FAT3: variants seen among roughly 807,000 people sequenced by gnomAD.
The protein encoded by FAT3 is protocadherin Fat 3.
FAT3 carries 95 observed loss-of-function variants against 310.2 expected under a neutral mutation model. The observed-to-expected ratio is 0.31, with a 90% CI of 0.26 to 0.36. The LOEUF (loss-of-function observed/expected upper bound fraction) is 0.36, where lower values mean the gene tolerates loss of function less well. FAT3 is among the 10% of genes least tolerant of loss of function. The pLI, the probability that FAT3 is intolerant of heterozygous loss-of-function variation, is 1.00. For missense variants in FAT3, 5,408 were observed against 5,715.6 expected (o/e 0.95, Z 1.74); for synonymous variants, 2,314 against 2,192.9 (o/e 1.06, Z -1.54).
At chr11:92,544,907 A>G (rs1289794459) in intron 3 of FAT3, among the ~76,000 whole-genome samples, 1 of 152,166 alleles carries the variant, frequency 6.6e-6, no homozygotes, top group Non-Finnish European at 1.5e-5. Flanking sequence ...CTAAAGTCTT[A>G]TTGACTCTTC....
At chr11:92,725,444 G>C (rs141218474) in intron 4 of FAT3, among the ~76,000 whole-genome samples, 250 of 152,236 alleles carry the variant, frequency 1.6e-3, no homozygotes, top group African/African-American at 5.6e-3. Flanking sequence ...TCAAAGTGTA[G>C]TGTTCAGCTT....
intron 3 of FAT3, among the ~76,000 whole-genome samples, chr11:92,572,859 T>G (rs1381618596): frequency 6.6e-6 from 1 of 152,186 alleles, no homozygotes; most frequent in Non-Finnish European, 1.5e-5. Context: ...AGTAGCTTGC[T>G]AACCAAATTT....
chr11:92,611,996 C>A (rs35848172), intron 3 of FAT3, among the ~76,000 whole-genome samples: 1 of 152,122 alleles, frequency 6.6e-6, no homozygotes, highest in Non-Finnish European at 1.5e-5. Context: ...CTAATAGCAA[C>A]CCCATTAGGA....
intron 1 of FAT3, among the ~76,000 whole-genome samples, chr11:92,309,380 GCATGCACACACACACACACA>G (rs1233743527): frequency 7.0e-5 from 3 of 42,628 alleles, no homozygotes; most frequent in South Asian, 1.1e-3. Context: ...TTACACACAC[GCATGCACACACACACACACA>G]CACACACACA....
At chr11:92,276,571 T>C (rs1448567318) in intron 1 of FAT3, among the ~76,000 whole-genome samples, 1 of 152,140 alleles carries the variant, frequency 6.6e-6, no homozygotes. Context: ...AAAGGTGTGT[T>C]GTGCTTTGCT....
chr11:92,798,133 A>G lies in FAT3; in HGVS notation c.5120A>G (p.Asp1707Gly). Residue 1707 changes from aspartate (D) to glycine (G), a missense_variant, in exon 10 of 28, where the codon GAT becomes GGT. This residue lies in a region of FAT3 where 4,588 missense variants were observed against 4,809.8 expected (regional missense o/e 0.95). Coordinates refer to ENST00000525166, the MANE Select transcript of FAT3 (RefSeq NM_001367949.2). Reference protein sequence around the residue: ...SQSTLIYEVKDGDINGIFTIN... With the variant: ...SQSTLIYEVKGGDINGIFTIN... Reference sequence around the variant, plus strand: ...TCTACCCTCATTTATGAAGTCAAAGATGGAGACATTAATGGGATCTTTACC... The same window carrying G: ...TCTACCCTCATTTATGAAGTCAAAGGTGGAGACATTAATGGGATCTTTACC... 1.2e-6 allele frequency: 2 copies of G among 1,613,946 alleles called. No individual in the cohort carries two copies. The highest frequency in any genetic ancestry group is 1.7e-6 in the Non-Finnish European group (2 of 1,179,866).
intron 3 of FAT3, among the ~76,000 whole-genome samples, chr11:92,537,808 C>G (rs145257989): frequency 4.7e-4 from 72 of 152,250 alleles, no homozygotes; most frequent in African/African-American, 1.6e-3. Context: ...AATATCTTAA[C>G]AGACTCTAAC....
At chr11:92,382,118 G>A (rs902863776) in intron 2 of FAT3, among the ~76,000 whole-genome samples, 1 of 152,108 alleles carries the variant, frequency 6.6e-6, no homozygotes, top group African/African-American at 2.4e-5. Flanking sequence ...TCATGTTAAG[G>A]GGCAGGAGCT....
At chr11:92,512,200 A>G (rs1348415105) in intron 2 of FAT3, among the ~76,000 whole-genome samples, 2 of 152,172 alleles carry the variant, frequency 1.3e-5, no homozygotes, top group Non-Finnish European at 2.9e-5. Flanking sequence ...TATAAAGTAT[A>G]TAAAAATATA....
At position 92,769,670 on chromosome 11, in the gene FAT3, ATCTT is replaced by A. The variant is rs573543387; in HGVS notation, c.4196-4365_4196-4362del. 2.0e-3 allele frequency among the ~76,000 whole-genome samples: 300 copies of A among 152,354 alleles called. 4 individuals are homozygous for A. Among genetic ancestry groups the A allele is most frequent in the Admixed American group, 0.018 (271 of 15,306 alleles). On this transcript the variant is annotated intron_variant, in intron 6 of 27. Transcript: ENST00000525166. ...TTTGTAAATAGTAAGCACCTAAAAT[ATCTT>A]TCTTTATCTCGCCTACTGTAAGGCT...
chr11:92,480,214 G>A (rs1028296487), intron 2 of FAT3, among the ~76,000 whole-genome samples: 11 of 152,068 alleles, frequency 7.2e-5, no homozygotes, highest in African/African-American at 2.2e-4. Flanking sequence ...ACCGCGAGCC[G>A]AGATGGCACC....
chr11:92,421,634 T>C (rs1240096436), intron 2 of FAT3, among the ~76,000 whole-genome samples: 1 of 152,232 alleles, frequency 6.6e-6, no homozygotes, highest in Non-Finnish European at 1.5e-5. Flanking sequence ...TTCTGAAATA[T>C]TGTCTTTTGC....
At chr11:92,572,565 A>T (rs1938236476) in intron 3 of FAT3, among the ~76,000 whole-genome samples, 1 of 152,210 alleles carries the variant, frequency 6.6e-6, no homozygotes, top group African/African-American at 2.4e-5. Context: ...GAAATGGAAG[A>T]TCGCATGTAG....
chr11:92,516,603 A>G (rs1953493766), intron 2 of FAT3, among the ~76,000 whole-genome samples: 2 of 152,056 alleles, frequency 1.3e-5, no homozygotes, highest in South Asian at 4.2e-4. Context: ...CTCTCTCACC[A>G]CTCCTATTCA....
Position 92,774,045 on chromosome 11 carries a change from G to T in FAT3, c.4200G>T (p.Gly1400=), listed in dbSNP as rs777943898. Residue 1400 remains glycine (G), a synonymous_variant, in exon 7 of 28, where the codon GGG becomes GGT. Coordinates refer to ENST00000525166, the MANE Select transcript of FAT3 (RefSeq NM_001367949.2). The part of the protein sequence containing the change: ...NTPLWFDIVG[G]NFDSAFDAEK... ...ATGTTTCTGTGAAATCATCAGGGGG[G>T]AATTTTGACAGCGCTTTTGATGCAG... 3 of 1,612,842 alleles carry T rather than the reference G, an allele frequency of 1.9e-6. No homozygotes were observed. The highest frequency in any genetic ancestry group is 2.7e-5 in the African/African-American group (2 of 74,990).
chr11:92,630,547 C>A (rs1941520505), intron 3 of FAT3, among the ~76,000 whole-genome samples: 1 of 152,208 alleles, frequency 6.6e-6, no homozygotes, highest in African/African-American at 2.4e-5. Flanking sequence ...AACTTGTTGT[C>A]TTCTCACTAA....
intron 3 of FAT3, among the ~76,000 whole-genome samples, chr11:92,684,454 G>T (rs1028927235): frequency 6.6e-6 from 1 of 152,108 alleles, no homozygotes; most frequent in African/African-American, 2.4e-5. Context: ...TTGCCATGGG[G>T]TGTGCACATT....
intron 3 of FAT3, among the ~76,000 whole-genome samples, chr11:92,688,483 C>T (rs924764132): frequency 1.3e-5 from 2 of 152,184 alleles, no homozygotes; most frequent in African/African-American, 4.8e-5. Context: ...GTCATTCTCA[C>T]CCCTAGCTGA....
intron 2 of FAT3, among the ~76,000 whole-genome samples, chr11:92,517,035 T>G (rs895068219): frequency 6.6e-6 from 1 of 152,054 alleles, no homozygotes; most frequent in Non-Finnish European, 1.5e-5. Context: ...AGAATAAATA[T>G]CGTGAAAACG....
Sources: allele counts gnomAD v4.1 joint callset (sites outside exome capture counted in the v4.1 genomes callset), GRCh38; gene constraint gnomAD v4.1.1; regional missense constraint gnomAD v4.1.1; transcripts MANE v1.5; gene names NCBI Gene and HGNC (gene_info 2026-07-23, HGNC 2026-07-21).